Variants in CTNNA2 observed in about 807,000 individuals in gnomAD.
The protein encoded by CTNNA2 is catenin alpha 2.
CTNNA2 carries 42 observed loss-of-function variants against 101.0 expected under a neutral mutation model. The ratio of observed to expected loss-of-function variants is 0.42; its 90% confidence interval spans 0.32 to 0.54. The LOEUF (loss-of-function observed/expected upper bound fraction) is 0.54. CTNNA2 is among the 20% of genes least tolerant of loss of function. CTNNA2 has a pLI of 0.14. For missense variants in CTNNA2, 871 were observed against 1,223.1 expected, an observed-to-expected ratio of 0.71 and a Z score of 4.29; for synonymous variants, 450 against 456.4, an observed-to-expected ratio of 0.99 and a Z score of 0.18.
chr2:80,311,144 C>T (rs1295634637), intron 7 of CTNNA2, among the ~76,000 whole-genome samples: 1 of 151,982 alleles, frequency 6.6e-6, no homozygotes, highest in Non-Finnish European at 1.5e-5. Flanking sequence ...GGTTTTTAGT[C>T]ATTATAAAAT....
intron 17 of CTNNA2, among the ~76,000 whole-genome samples, chr2:80,617,911 T>C (rs1698988155): frequency 6.6e-6 from 1 of 151,968 alleles, no homozygotes. Flanking sequence ...TGCAAGCTAT[T>C]GTTTTGAATG....
chr2:80,599,785 AT>A (rs200344680), intron 15 of CTNNA2, among the ~76,000 whole-genome samples: 2,224 of 152,048 alleles, frequency 0.015, 65 homozygotes, highest in African/African-American at 0.051. Context: ...TTTAATGTTT[AT>A]TTATTTTTAT....
intron 3 of CTNNA2, among the ~76,000 whole-genome samples, chr2:79,820,290 T>A (rs998240263): frequency 1.3e-5 from 2 of 152,206 alleles, no homozygotes; most frequent in Non-Finnish European, 2.9e-5. Flanking sequence ...ATTTGGCTCA[T>A]ACGTTATTGC....
chr2:79,989,620 A>T (rs1031338006), intron 7 of CTNNA2, among the ~76,000 whole-genome samples: 1 of 152,214 alleles, frequency 6.6e-6, no homozygotes, highest in African/African-American at 2.4e-5. Context: ...TGGTCTGGGC[A>T]ACAGAGTGAG....
rs201954488 is a variant in CTNNA2 at position 80,386,879 on chromosome 2, G to GTGGT, written c.1057-6331_1057-6330insGGTT. ...CAACCATGTCCCACATATTAATATAGTACCCTGAAACATGGTTGATGTGCA... is the reference window on the plus strand; with the variant it reads ...CAACCATGTCCCACATATTAATATAGTGGTTACCCTGAAACATGGTTGATGTGCA... On this transcript the variant is annotated intron_variant, in intron 7 of 18. Coordinates refer to ENST00000402739, the MANE Select transcript of CTNNA2 (RefSeq NM_001282597.3). Among the ~76,000 whole-genome samples the GTGGT allele has an allele frequency of 4.4e-3, 672 of 152,250 alleles. 6 individuals are homozygous for GTGGT. Among genetic ancestry groups the GTGGT allele is most frequent in the African/African-American group, 0.016 (651 of 41,536 alleles).
intron 4 of CTNNA2, among the ~76,000 whole-genome samples, chr2:79,501,266 G>GTTTA (rs921404986): frequency 5.3e-5 from 8 of 152,074 alleles, no homozygotes; most frequent in Non-Finnish European, 1.0e-4. Context: ...TTTATTCAAA[G>GTTTA]TTTATTTTTC....
intron 2 of CTNNA2, among the ~76,000 whole-genome samples, chr2:79,724,903 C>G (rs895084958): frequency 6.6e-6 from 1 of 151,190 alleles, no homozygotes; most frequent in African/African-American, 2.4e-5. Flanking sequence ...ATCAGCACGT[C>G]TACTCTGCGG....
intron 9 of CTNNA2, among the ~76,000 whole-genome samples, chr2:80,448,334 A>C (rs1234198146): frequency 6.6e-6 from 1 of 152,180 alleles, no homozygotes; most frequent in Non-Finnish European, 1.5e-5. Flanking sequence ...TCTCCGTTTC[A>C]CTCTTAGCGA....
At chr2:79,202,041 GATTGTA>G (rs1477823313) in intron 2 of CTNNA2, among the ~76,000 whole-genome samples, 1 of 152,152 alleles carries the variant, frequency 6.6e-6, no homozygotes, top group African/African-American at 2.4e-5. Flanking sequence ...AGAGACAAAT[GATTGTA>G]ATCTTTTGAG....
chr2:80,087,666 A>T (rs1003954867), intron 7 of CTNNA2, among the ~76,000 whole-genome samples: 11 of 152,064 alleles, frequency 7.2e-5, no homozygotes, highest in Admixed American at 5.2e-4. Context: ...ATTAATGTGC[A>T]TATACATCAC....
At chr2:80,065,028 C>G (rs1057511451) in intron 7 of CTNNA2, among the ~76,000 whole-genome samples, 1 of 152,098 alleles carries the variant, frequency 6.6e-6, no homozygotes, top group Non-Finnish European at 1.5e-5. Flanking sequence ...CAAGTTTATC[C>G]TCCAAGTAAA....
chr2:79,659,285 G>T (rs1681846184), intron 2 of CTNNA2, among the ~76,000 whole-genome samples: 1 of 147,538 alleles, frequency 6.8e-6, no homozygotes, highest in Non-Finnish European at 1.5e-5. Flanking sequence ...TTTTATGCAA[G>T]AATTTACTGA....
At chr2:79,289,393 G>T (rs1180207983) in intron 2 of CTNNA2, among the ~76,000 whole-genome samples, 1 of 152,124 alleles carries the variant, frequency 6.6e-6, no homozygotes, top group Non-Finnish European at 1.5e-5. Flanking sequence ...TAATAAAAAT[G>T]GAAATTATAT....
At chr2:80,471,257 G>T (rs1425323288) in intron 9 of CTNNA2, among the ~76,000 whole-genome samples, 4 of 152,210 alleles carry the variant, frequency 2.6e-5, no homozygotes, top group Non-Finnish European at 4.4e-5. Flanking sequence ...GATGGTGATT[G>T]TTCTTATCCA....
chr2:79,981,374 T>A (rs753942697), intron 7 of CTNNA2, among the ~76,000 whole-genome samples: 3 of 152,336 alleles, frequency 2.0e-5, no homozygotes, highest in Middle Eastern at 3.4e-3. Context: ...GATACAGATA[T>A]GAAAAGAGAA....
intron 7 of CTNNA2, among the ~76,000 whole-genome samples, chr2:80,263,527 G>T (rs1672774271): frequency 1.3e-5 from 2 of 152,038 alleles, no homozygotes; most frequent in Admixed American, 1.3e-4. Flanking sequence ...GTACAGATGG[G>T]GTTTCACCAT....
At chr2:80,162,757 G>T in intron 7 of CTNNA2, 1 of 1,600,272 alleles carries the variant, frequency 6.2e-7, no homozygotes. Context: ...TGATCCAGAG[G>T]TGAAGAAGCA....
At chr2:79,583,291 AT>A (rs1444468308) in intron 1 of CTNNA2, among the ~76,000 whole-genome samples, 2 of 151,876 alleles carry the variant, frequency 1.3e-5, no homozygotes, top group Admixed American at 1.3e-4. Context: ...TATGGTTCAT[AT>A]AAAAAAGTTT....
At chr2:79,417,226 G>C (rs12052890) in intron 4 of CTNNA2, among the ~76,000 whole-genome samples, 1 of 151,964 alleles carries the variant, frequency 6.6e-6, no homozygotes, top group Admixed American at 6.6e-5. Flanking sequence ...AACAAAGCTT[G>C]GTACTAAATT....
Sources: allele counts gnomAD v4.1 joint callset (sites outside exome capture counted in the v4.1 genomes callset), GRCh38; gene constraint gnomAD v4.1.1; transcripts MANE v1.5; gene names NCBI Gene and HGNC (gene_info 2026-07-23, HGNC 2026-07-21).